SLC35E1: variants seen among roughly 807,000 people sequenced by gnomAD.
SLC35E1 encodes the protein solute carrier family 35, member E1.
Under a neutral mutation model 31.0 loss-of-function variants are expected in SLC35E1, and 12 were observed. That is an observed-to-expected ratio of 0.39 (90% CI 0.25 to 0.63). The LOEUF is 0.63. SLC35E1 is among the 20% of genes least tolerant of loss of function. The pLI, the probability that SLC35E1 is intolerant of heterozygous loss-of-function variation, is 0.52. For synonymous variants in SLC35E1, 257 were observed against 264.1 expected (o/e 0.97, Z 0.26); for missense variants, 429 against 572.2 (o/e 0.75, Z 2.55).
intron 4 of SLC35E1, among the ~76,000 whole-genome samples, chr19:16,560,881 C>CAAAAAAAAAAAAAAAA (rs1304202019): frequency 1.5e-5 from 1 of 68,058 alleles, no homozygotes; most frequent in Non-Finnish European, 2.9e-5. Flanking sequence ...AAAAAAAAAC[C>CAAAAAAAAAAAAAAAA]AAAAAAAAAA....
intron 4 of SLC35E1, among the ~76,000 whole-genome samples, chr19:16,560,867 C>CAAAAAAAAAACCAAAAAAAAAA (rs2085901291): frequency 4.4e-5 from 3 of 67,580 alleles, no homozygotes; most frequent in African/African-American, 1.5e-4. Flanking sequence ...ATCTCAAAAA[C>CAAAAAAAAAACCAAAAAAAAAA]AAAAAAAAAA....
intron 4 of SLC35E1, among the ~76,000 whole-genome samples, chr19:16,559,918 A>C (rs1197819482): frequency 1.3e-5 from 2 of 152,134 alleles, no homozygotes; most frequent in African/African-American, 4.8e-5. Context: ...TCTGGGTCTT[A>C]TTTAAATCCT....
intron 3 of SLC35E1, among the ~76,000 whole-genome samples, 197 bp downstream of exon 3, chr19:16,567,835 T>C (rs1221159553): frequency 6.6e-6 from 1 of 152,244 alleles, no homozygotes; most frequent in African/African-American, 2.4e-5. Flanking sequence ...ATTATAGGCA[T>C]GAGCCACTGC....
chr19:16,557,248 C>G (rs2085879478), intron 4 of SLC35E1: 1 of 287,202 alleles, frequency 3.5e-6, no homozygotes, highest in Non-Finnish European at 6.9e-6. Context: ...GGCTGGAGTG[C>G]AGTGGCGCGA....
chr19:16,567,208 T>C (rs2085936791), intron 3 of SLC35E1, among the ~76,000 whole-genome samples: 1 of 151,868 alleles, frequency 6.6e-6, no homozygotes, highest in Admixed American at 6.6e-5. Flanking sequence ...TGAGACGGGG[T>C]CTCACTCTAT....
chr19:16,551,591 A>AC lies in SLC35E1; in HGVS notation c.*2087dup, dbSNP rs1249051546. 1.3e-5 allele frequency: 2 copies of AC among 151,806 alleles called. No homozygotes were observed. The highest frequency in any genetic ancestry group is 4.8e-5 in the African/African-American group (2 of 41,324). The allele number at this position is 151,806 out of a possible 1,614,324, so 9.4% of individuals were successfully genotyped here. On this transcript the variant is annotated 3_prime_UTR_variant, in exon 6 of 6. Coordinates refer to ENST00000595753, the MANE Select transcript of SLC35E1 (RefSeq NM_024881.5). ...GTGATGAAGAAAGAAGGCAGCCATC[A>AC]CCTAAGACCCCACAAGCCAAGCCGT...
intron 4 of SLC35E1, among the ~76,000 whole-genome samples, chr19:16,556,394 A>G (rs2085875309): frequency 6.6e-6 from 1 of 151,848 alleles, no homozygotes; most frequent in African/African-American, 2.4e-5. Context: ...CTGTGGTCCC[A>G]GCTACCTGGG....
chr19:16,570,326 G>C (rs976747755), intron 2 of SLC35E1, among the ~76,000 whole-genome samples: 2 of 152,112 alleles, frequency 1.3e-5, no homozygotes, highest in African/African-American at 2.4e-5. Context: ...GTCTTGCTGA[G>C]ACAAAGACAG....
intron 4 of SLC35E1, among the ~76,000 whole-genome samples, chr19:16,563,508 GACT>G (rs2085917531): frequency 6.6e-6 from 1 of 152,054 alleles, no homozygotes; most frequent in South Asian, 2.1e-4. Context: ...ATCATGACCA[GACT>G]TCTTCTTTTT....
intron 4 of SLC35E1, among the ~76,000 whole-genome samples, chr19:16,563,184 C>T (rs1345003837): frequency 6.6e-6 from 1 of 151,904 alleles, no homozygotes; most frequent in African/African-American, 2.4e-5. Flanking sequence ...ATTAGCTGGG[C>T]GCGGTGGTGG....
chr19:16,555,390 A>G lies in SLC35E1; in HGVS notation c.764T>C (p.Val255Ala), dbSNP rs1208955573. The G allele has an allele frequency of 1.9e-6, 3 of 1,613,624 alleles. No homozygotes were observed. The South Asian group carries it at 3.3e-5, about 18-fold the overall frequency. ...CAGGAGCGTCCAGGGCCACTGGTAG[A>G]CGTAGGTCTGCAGAGACCGGAAGGT... The part of the protein sequence containing the change: ...AFLVSSDLTY[V>A]YQWPWTLLLL... Residue 255 changes from valine to alanine, a missense_variant, in exon 5 of 6, where the codon GTC becomes GCC. Transcript: ENST00000595753. This position sits in a 1 kb window ranked among gnomAD's most constrained non-coding sequence, Gnocchi z 4.1.
chr19:16,555,815 C>T lies in SLC35E1; in HGVS notation c.757-418G>A, dbSNP rs1181648523. 1.8e-5 allele frequency: 4 copies of T among 217,476 alleles called. No homozygotes were observed. The highest frequency in any genetic ancestry group is 2.8e-5 in the Non-Finnish European group (3 of 108,854). 13.5% of individuals were successfully genotyped at this position (217,476 alleles called of 1,614,324 possible). ...TGAGCCTGCGAAGTACCTGGTAATA[C>T]GAAAGCCACGGGTCTGCACCTATTG... On this transcript the variant is annotated intron_variant, in intron 4 of 5. Transcript: ENST00000595753. The surrounding 1 kb of genome is among the most constrained non-coding windows in gnomAD (Gnocchi z 4.1).
Position 16,552,030 on chromosome 19 carries a change from C to T in SLC35E1, c.*1649G>A, listed in dbSNP as rs2085848130. ...AAGTGCTGAGATTACAGGCATGAGC[C>T]ACCACGCCTGGCCCCAAACTGACTC... On this transcript the variant is annotated 3_prime_UTR_variant, in exon 6 of 6. Transcript: ENST00000595753. 1.3e-5 allele frequency: 2 copies of T among 152,082 alleles called. No homozygotes were observed. Among genetic ancestry groups the T allele is most frequent in the Admixed American group, 1.3e-4 (2 of 15,246 alleles). The allele number at this position is 152,082 out of a possible 1,614,324, so 9.4% of individuals were successfully genotyped here.
chr19:16,567,974 G>A, intron 3 of SLC35E1, 58 bp downstream of exon 3: 2 of 1,472,118 alleles, frequency 1.4e-6, no homozygotes, highest in South Asian at 1.4e-5. Flanking sequence ...AATGCCACCA[G>A]TTTGCTGCCC....
chr19:16,567,312 C>T (rs1055714332), intron 3 of SLC35E1, among the ~76,000 whole-genome samples: 1 of 152,094 alleles, frequency 6.6e-6, no homozygotes, highest in African/African-American at 2.4e-5. Context: ...TGAGCCACTG[C>T]ACTAGGCTTC....
chr19:16,567,038 A>G (rs1240276872), intron 3 of SLC35E1, among the ~76,000 whole-genome samples: 1 of 152,264 alleles, frequency 6.6e-6, no homozygotes, highest in Non-Finnish European at 1.5e-5. Flanking sequence ...TAAGCCTATC[A>G]TAATGAAATA....
chr19:16,555,242 C>T lies in SLC35E1; in HGVS notation c.912G>A (p.Thr304=), dbSNP rs547072256. 10 of 1,614,154 alleles carry T rather than the reference C, an allele frequency of 6.2e-6. No individual in the cohort carries two copies. The highest frequency in any genetic ancestry group is 1.3e-5 in the African/African-American group (1 of 75,022). The stretch of plus-strand genomic sequence containing the variant: ...GGTTGCGCAGCATGATCAGGGACAC[C>T]GTGATGACCATGATTCTTTTGGTGG... The part of the protein sequence containing the change: ...ANATKRIMVI[T]VSLIMLRNPV... Residue 304 remains threonine (T), a synonymous_variant, in exon 5 of 6, where the codon ACG becomes ACA. Coordinates refer to ENST00000595753, the MANE Select transcript of SLC35E1 (RefSeq NM_024881.5). The surrounding 1 kb of genome is among the most constrained non-coding windows in gnomAD (Gnocchi z 4.1).
rs201250256 is a variant in SLC35E1, at chr19:16,566,597, C to T, written c.691G>A (p.Val231Ile). Reference protein sequence around the residue: ...RLLNILGCHAVFFMIPTWVLV... With the variant: ...RLLNILGCHAIFFMIPTWVLV... ...ACCCAGGTGGGGATCATAAAGAAGA[C>T]GGCGTGGCAGCCCAGGATGTTGAGC... The change falls in exon 4 of 6, where the codon GTC becomes ATC. Residue 231 changes from valine to isoleucine, a missense_variant. Coordinates refer to ENST00000595753, the MANE Select transcript of SLC35E1 (RefSeq NM_024881.5). 2.5e-5 allele frequency: 41 copies of T among 1,612,538 alleles called. No individual in the cohort carries two copies. Among genetic ancestry groups the T allele is most frequent in the Non-Finnish European group, 3.1e-5 (37 of 1,180,030 alleles).
intron 4 of SLC35E1, among the ~76,000 whole-genome samples, chr19:16,558,237 T>C (rs947869475): frequency 4.6e-5 from 7 of 152,148 alleles, no homozygotes; most frequent in African/African-American, 1.4e-4. Flanking sequence ...AGAGATGGGG[T>C]TTCACCATGT....
Sources: gnomAD v4.1 joint callset for allele counts (sites outside exome capture counted in the v4.1 genomes callset) on GRCh38, gnomAD v4.1.1 for gene constraint, Gnocchi (gnomAD v3.1) non-coding constraint, MANE v1.5 for transcripts, NCBI Gene and HGNC (gene_info 2026-07-23, HGNC 2026-07-21) for gene names.